EEF1A2: variants seen among roughly 807,000 people sequenced by gnomAD.
The protein encoded by EEF1A2 is eukaryotic translation elongation factor 1 alpha 2, also known as elongation factor 1-alpha 2.
In EEF1A2, 5 loss-of-function variants were observed where a neutral mutation model predicts 39.3. The observed-to-expected ratio is 0.13, with a 90% CI of 0.07 to 0.27. The LOEUF (loss-of-function observed/expected upper bound fraction) is 0.27. Ranked by LOEUF, EEF1A2 falls within the 10% of genes least tolerant of loss-of-function variation. The pLI, the probability that EEF1A2 is intolerant of heterozygous loss-of-function variation, is 1.00. For missense variants in EEF1A2, 218 were observed against 681.4 expected (o/e 0.32, Z 7.57); for synonymous variants, 287 against 293.7 (o/e 0.98, Z 0.23).
Position 63,494,537 on chromosome 20 carries a change from G to A in EEF1A2, c.621+268C>T, listed in dbSNP as rs73918955. ...GCACATGGGCCTGGTGCTGGAGGCC[G>A]CTGCCCCTGCTGTGTTGACATCGTA... On this transcript the variant is annotated intron_variant, in intron 4 of 7. Transcript: ENST00000217182. Among the ~76,000 whole-genome samples, 8,375 of 152,334 alleles carry A rather than the reference G, an allele frequency of 0.055. 367 individuals are homozygous for A. The highest frequency in any genetic ancestry group is 0.11 in the African/African-American group (4,741 of 41,558).
Position 63,493,294 on chromosome 20 carries a change from C to A in EEF1A2, c.622-7G>T. On this transcript the variant is annotated splice_polypyrimidine_tract_variant and splice_region_variant and intron_variant, in intron 4 of 7. Coordinates refer to ENST00000217182, the MANE Select transcript of EEF1A2 (RefSeq NM_001958.5). Reference sequence around the variant, plus strand: ...AGCCCTTGAACCACGGCATCTGGACCAAAGGGAGAAAATCAATCCGTTAAG... The same window carrying A: ...AGCCCTTGAACCACGGCATCTGGACAAAAGGGAGAAAATCAATCCGTTAAG... 6.6e-7 allele frequency: 1 copy of A among 1,506,342 alleles called. No homozygotes were observed. Among genetic ancestry groups the A allele is most frequent in the Admixed American group, 2.1e-5 (1 of 47,086 alleles). The allele number at this position is 1,506,342 out of a possible 1,614,324, so 93.3% of individuals were successfully genotyped here.
At position 63,488,196 on chromosome 20, in the gene EEF1A2, G is replaced by A. The variant is rs1468065384; in HGVS notation, c.*102C>T. Reference sequence around the variant, plus strand: ...CAGACATGCGCCTGGCGGGGGTGCGGGGCGCCGGACCGGCGCGCGGGGCGG... The same window carrying A: ...CAGACATGCGCCTGGCGGGGGTGCGAGGCGCCGGACCGGCGCGCGGGGCGG... On this transcript the variant is annotated 3_prime_UTR_variant, in exon 8 of 8. Coordinates refer to ENST00000217182, the MANE Select transcript of EEF1A2 (RefSeq NM_001958.5). 1.3e-4 allele frequency: 99 copies of A among 783,312 alleles called. 1 individual carries two copies. The highest frequency in any genetic ancestry group is 1.5e-4 in the Non-Finnish European group (96 of 651,398). 48.5% of individuals were successfully genotyped at this position (783,312 alleles called of 1,614,324 possible). A position where few individuals can be genotyped will look rare whatever the true frequency, so the allele number is the denominator to read the frequency against.
rs1054278909 is a variant in EEF1A2 at position 63,490,551 on chromosome 20, G to A, written c.957C>T (p.Asp319=). 1 of 1,612,678 alleles carries A rather than the reference G, an allele frequency of 6.2e-7. No individual in the cohort carries two copies. The highest frequency in any genetic ancestry group is 1.1e-5 in the South Asian group (1 of 91,096). ...GFNVKNVSVK[D]IRRGNVCGDS... ...CCCCACACACGTTGCCCCGCCGGAT[G>A]TCCTTCACCGACACGTTCTTCACAT... The change falls in exon 6 of 8, where the codon GAC becomes GAT. Residue 319 remains aspartate (D), a synonymous_variant. Coordinates refer to ENST00000217182, the MANE Select transcript of EEF1A2 (RefSeq NM_001958.5).
In EEF1A2 at chr20:63,497,542, G is replaced by A. The variant is rs113339369; in HGVS notation, c.144+78C>T. The A allele has an allele frequency of 0.015, 23,508 of 1,550,568 alleles. 488 individuals are homozygous for A. The highest frequency in any genetic ancestry group is 0.1 in the African/African-American group (7,453 of 73,388). Reference sequence around the variant, plus strand: ...CACCTGAGCCCCATGCCCTGGGGCTGGGAGATGCCAAGCCTGGCCACCACG... The same window carrying A: ...CACCTGAGCCCCATGCCCTGGGGCTAGGAGATGCCAAGCCTGGCCACCACG... On this transcript the variant is annotated intron_variant, in intron 2 of 7. Coordinates refer to ENST00000217182, the MANE Select transcript of EEF1A2 (RefSeq NM_001958.5). This position sits in a 1 kb window ranked among gnomAD's most constrained non-coding sequence, Gnocchi z 7.3.
chr20:63,489,247 C>T, intron 6 of EEF1A2, 95 bp from the exon 7 acceptor site: 2 of 1,267,834 alleles, frequency 1.6e-6, no homozygotes, highest in South Asian at 1.4e-5. Flanking sequence ...ACCGGCGCCC[C>T]TGCACGGGCT....
At chr20:63,492,744 TGATGGACAGAAGGATG>T (rs547895812) in intron 5 of EEF1A2, among the ~76,000 whole-genome samples, 1,181 of 45,474 alleles carry the variant, frequency 0.026, 19 homozygotes, top group African/African-American at 0.088. Flanking sequence ...ATGGATGGAT[TGATGGACAGAAGGATG>T]GATGGGTGGG....
intron 3 of EEF1A2, 119 bp downstream of exon 3, chr20:63,495,737 C>T: frequency 2.3e-6 from 3 of 1,327,928 alleles, no homozygotes; most frequent in South Asian, 1.4e-5. Context: ...GGTGAGGGGT[C>T]CCCTGCCCTC....
intron 7 of EEF1A2, 74 bp downstream of exon 7, chr20:63,488,844 C>G (rs2082365500): frequency 6.6e-7 from 1 of 1,507,088 alleles, no homozygotes; most frequent in Non-Finnish European, 9.0e-7. Context: ...GCGCCCCATC[C>G]CCGCAGTCCT....
rs1399773454 is a variant in EEF1A2 at position 63,497,368 on chromosome 20, C to G, written c.144+252G>C. ...GTTCCAGAGCCTTCTGCAGACCCTC[C>G]CAGGTCACCTCCCTCACCACAGGGC... On this transcript the variant is annotated intron_variant, in intron 2 of 7. Transcript: ENST00000217182. The surrounding 1 kb of genome is among the most constrained non-coding windows in gnomAD (Gnocchi z 7.3). The G allele has an allele frequency of 8.6e-6, 4 of 464,520 alleles. No homozygotes were observed. The highest frequency in any genetic ancestry group is 1.5e-5 in the Non-Finnish European group (4 of 266,788). The allele number at this position is 464,520 out of a possible 1,614,324, so 28.8% of individuals were successfully genotyped here.
At chr20:63,491,926 A>G in intron 5 of EEF1A2, among the ~76,000 whole-genome samples, 1 of 120,672 alleles carries the variant, frequency 8.3e-6, no homozygotes, top group African/African-American at 3.2e-5. Flanking sequence ...GGATAGATGG[A>G]TGGATGGATG....
chr20:63,493,063 G>A, intron 5 of EEF1A2, 74 bp downstream of exon 5: 1 of 1,501,132 alleles, frequency 6.7e-7, no homozygotes, highest in Non-Finnish European at 8.9e-7. Context: ...GTCTTGAGAT[G>A]CCTTGTAGGG....
At chr20:63,491,879 TGGA>T (rs2082382157) in intron 5 of EEF1A2, among the ~76,000 whole-genome samples, 1 of 75,866 alleles carries the variant, frequency 1.3e-5, no homozygotes. Flanking sequence ...GATGGATAGA[TGGA>T]TGGATGGATG....
At chr20:63,495,287 C>T (rs1322063068) in intron 3 of EEF1A2, among the ~76,000 whole-genome samples, 186 bp from the exon 4 acceptor site, 4 of 152,246 alleles carry the variant, frequency 2.6e-5, no homozygotes, top group Non-Finnish European at 4.4e-5. Flanking sequence ...CATCGCCAGG[C>T]CCTGGGTCAG....
At chr20:63,490,407 G>A (rs1170556184) in intron 6 of EEF1A2, 72 bp downstream of exon 6, 21 of 1,539,510 alleles carry the variant, frequency 1.4e-5, no homozygotes, top group Non-Finnish European at 1.1e-5. Context: ...CCTGCCGACA[G>A]CAGCCTCACC....
Position 63,495,248 on chromosome 20 carries a change from G to T in EEF1A2, c.325-147C>A, listed in dbSNP as rs2082411582. 6.5e-6 allele frequency: 8 copies of T among 1,233,188 alleles called. No individual in the cohort carries two copies. The South Asian group carries it at 1.2e-4, about 19-fold the overall frequency. The allele number at this position is 1,233,188 out of a possible 1,614,324, so 76.4% of individuals were successfully genotyped here. ...GGGCCTTGGGGAGGGAGGCATGGGG[G>T]TCCCCACTTCAAGGGCAGCATGGGG... On this transcript the variant is annotated intron_variant, in intron 3 of 7. Transcript: ENST00000217182.
intron 6 of EEF1A2, 36 bp from the exon 7 acceptor site, chr20:63,489,188 C>T (rs1454193724): frequency 1.3e-6 from 2 of 1,597,426 alleles, no homozygotes; most frequent in Middle Eastern, 1.7e-4. Context: ...TCAGGCACAT[C>T]GGCGGTGGGC....
At position 63,490,511 on chromosome 20, in the gene EEF1A2, G is replaced by T; in HGVS notation, c.997C>A (p.Pro333Thr). The change falls in exon 6 of 8, where the codon CCG becomes ACG. Residue 333 changes from proline to threonine, a missense_variant. This residue lies in a region of EEF1A2 where 80 missense variants were observed against 295.9 expected (regional missense o/e 0.27). Coordinates refer to ENST00000217182, the MANE Select transcript of EEF1A2 (RefSeq NM_001958.5). ...GTGAACTGAGCAGCCTCCTGCGGCG[G>T]GTCAGACTTGCTGTCCCCACACACG... Reference protein sequence around the residue: ...GNVCGDSKSDPPQEAAQFTSQ... With the variant: ...GNVCGDSKSDTPQEAAQFTSQ... 1 of 1,612,296 alleles carries T rather than the reference G, an allele frequency of 6.2e-7. No individual in the cohort carries two copies. Among genetic ancestry groups the T allele is most frequent in the Non-Finnish European group, 8.5e-7 (1 of 1,179,608 alleles).
chr20:63,492,515 G>C (rs1290938243), intron 5 of EEF1A2, among the ~76,000 whole-genome samples: 1 of 148,910 alleles, frequency 6.7e-6, no homozygotes, highest in African/African-American at 2.5e-5. Context: ...GATGGGTGGG[G>C]AGGTGGATGG....
At chr20:63,488,541 G>T in intron 7 of EEF1A2, 116 bp from the exon 8 acceptor site, 3 of 1,278,778 alleles carry the variant, frequency 2.3e-6, no homozygotes, top group Non-Finnish European at 3.0e-6. Flanking sequence ...AACACGCTTA[G>T]CGCAGAGCGC....
Sources: gnomAD v4.1 joint callset for allele counts (sites outside exome capture counted in the v4.1 genomes callset) on GRCh38, gnomAD v4.1.1 for gene constraint, gnomAD v4.1.1 regional missense constraint, Gnocchi (gnomAD v3.1) non-coding constraint, MANE v1.5 for transcripts, NCBI Gene and HGNC (gene_info 2026-07-23, HGNC 2026-07-21) for gene names.